The following FAM227B variants were observed in gnomAD, a reference collection of about 807,000 sequenced individuals.
FAM227B encodes family with sequence similarity 227 member B.
A neutral mutation model predicts 73.8 loss-of-function variants in FAM227B; 88 were observed. The ratio of observed to expected loss-of-function variants is 1.19; its 90% CI spans 1.00 to 1.42. The LOEUF is 1.42. Among genes scored for constraint, FAM227B ranks in the 40% most tolerant of loss-of-function variants. The pLI is 0.00. For synonymous variants in FAM227B, 210 were observed against 190.5 expected, an observed-to-expected ratio of 1.10 and a Z score of -0.84; for missense variants, 632 against 590.9, an observed-to-expected ratio of 1.07 and a Z score of -0.72.
intron 4 of FAM227B, among the ~76,000 whole-genome samples, chr15:49,588,748 G>A (rs2076347151): frequency 6.7e-6 from 1 of 150,248 alleles, no homozygotes; most frequent in Admixed American, 6.6e-5. Flanking sequence ...CTATATATAT[G>A]TGTGTGTATT....
chr15:49,527,765 A>C (rs980394940), intron 10 of FAM227B, among the ~76,000 whole-genome samples: 3 of 151,808 alleles, frequency 2.0e-5, no homozygotes, highest in Admixed American at 6.6e-5. Flanking sequence ...ACATATACAC[A>C]AAAATTAAAT....
At position 49,589,918 on chromosome 15, in the gene FAM227B, T is replaced by G. The variant is rs1256521883; in HGVS notation, c.195A>C (p.Ser65=). The G allele has an allele frequency of 3.8e-6, 6 of 1,594,886 alleles. No individual in the cohort carries two copies. The highest frequency in any genetic ancestry group is 2.2e-5 in the South Asian group (2 of 90,634). The change falls in exon 4 of 16, where the codon TCA becomes TCC. Residue 65 remains serine (S), a synonymous_variant. Coordinates refer to ENST00000299338, the MANE Select transcript of FAM227B (RefSeq NM_152647.3). ...CATTTTCCCATAGGTGTGTATAAAT[T>G]GAAACAAATGAACTATCTTCTTTTA... The part of the protein sequence containing the change: ...KKIKEDSSFV[S]IYTHLWENVP...
intron 11 of FAM227B, among the ~76,000 whole-genome samples, chr15:49,438,613 G>A (rs1172662882): frequency 1.3e-5 from 2 of 151,666 alleles, no homozygotes; most frequent in African/African-American, 4.8e-5. Flanking sequence ...GTGAGAGGGA[G>A]CACGAGGACA....
intron 9 of FAM227B, among the ~76,000 whole-genome samples, chr15:49,557,069 C>A (rs1411817840): frequency 6.6e-6 from 1 of 152,146 alleles, no homozygotes; most frequent in Non-Finnish European, 1.5e-5. Context: ...ATTCCTCCCC[C>A]TCCATCCCAG....
intron 11 of FAM227B, among the ~76,000 whole-genome samples, chr15:49,491,721 G>GCA (rs576261502): frequency 8.3e-5 from 11 of 131,924 alleles, no homozygotes; most frequent in East Asian, 4.6e-4. Context: ...ACACACATAT[G>GCA]CACACACACA....
chr15:49,403,282 G>A (rs1555469565), intron 11 of FAM227B, among the ~76,000 whole-genome samples: 15 of 152,156 alleles, frequency 9.9e-5, no homozygotes, highest in Non-Finnish European at 1.5e-5. Flanking sequence ...TGGCCTCACA[G>A]AATGAGCTAG....
chr15:49,518,846 GC>G (rs1400647655), intron 10 of FAM227B, among the ~76,000 whole-genome samples: 1 of 152,092 alleles, frequency 6.6e-6, no homozygotes, highest in Admixed American at 6.5e-5. Context: ...ATACAATCAT[GC>G]CCTTGCAACA....
chr15:49,609,086 T>C (rs562798086), intron 3 of FAM227B, among the ~76,000 whole-genome samples: 66 of 151,838 alleles, frequency 4.3e-4, no homozygotes, highest in Non-Finnish European at 9.0e-4. Flanking sequence ...TAGTGGGTAG[T>C]GAACGGAAGT....
intron 10 of FAM227B, among the ~76,000 whole-genome samples, chr15:49,523,749 CT>C (rs2059949726): frequency 6.6e-6 from 1 of 152,150 alleles, no homozygotes; most frequent in Non-Finnish European, 1.5e-5. Flanking sequence ...CATTTTTATG[CT>C]AATAGTGATA....
intron 11 of FAM227B, among the ~76,000 whole-genome samples, chr15:49,447,078 G>A (rs1597250400): frequency 6.6e-6 from 1 of 151,360 alleles, no homozygotes. Context: ...CCTAAACACT[G>A]AATAAAATCA....
chr15:49,498,688 A>C (rs1310464518), intron 11 of FAM227B, among the ~76,000 whole-genome samples: 1 of 152,256 alleles, frequency 6.6e-6, no homozygotes, highest in Non-Finnish European at 1.5e-5. Context: ...AGTTGAAAAA[A>C]GAATCAAGAC....
intron 11 of FAM227B, among the ~76,000 whole-genome samples, chr15:49,496,515 T>C (rs777367339): frequency 4.6e-5 from 7 of 152,236 alleles, no homozygotes; most frequent in Non-Finnish European, 1.0e-4. Context: ...TAAGAGGAGC[T>C]GGCTTATAAA....
intron 3 of FAM227B, among the ~76,000 whole-genome samples, chr15:49,609,218 T>G (rs1465059763): frequency 2.0e-5 from 3 of 151,532 alleles, no homozygotes; most frequent in Non-Finnish European, 4.4e-5. Flanking sequence ...GAAATAGAAT[T>G]GTGATGGAGT....
At chr15:49,483,185 T>C (rs1207052436) in intron 11 of FAM227B, 17 of 1,590,268 alleles carry the variant, frequency 1.1e-5, no homozygotes, top group Non-Finnish European at 1.4e-5. Flanking sequence ...CAGTTGGAAT[T>C]GTGGCAATCA....
At chr15:49,477,336 C>T (rs1416136755) in intron 11 of FAM227B, among the ~76,000 whole-genome samples, 1 of 152,208 alleles carries the variant, frequency 6.6e-6, no homozygotes, top group African/African-American at 2.4e-5. Flanking sequence ...AGCTTTTCAT[C>T]CTTTTTCTGC....
In FAM227B at chr15:49,443,544, T is replaced by C. The variant is rs1034884164; in HGVS notation, c.1012+64667A>G. ...AATGTAGATTAAACTTAAGGTTTAG[T>C]GTCTATAACTGTTTCATTGTGAATA... On this transcript the variant is annotated intron_variant, in intron 11 of 15. Transcript: ENST00000299338. Among the ~76,000 whole-genome samples the C allele has an allele frequency of 5.9e-5, 9 of 151,830 alleles. 1 individual carries two copies. The highest frequency in any genetic ancestry group is 2.2e-4 in the African/African-American group (9 of 41,492).
chr15:49,336,965 T>C (rs1341643259), intron 13 of FAM227B, among the ~76,000 whole-genome samples: 1 of 152,194 alleles, frequency 6.6e-6, no homozygotes, highest in African/African-American at 2.4e-5. Context: ...TATTTGGTGT[T>C]ATTTACTTAG....
At position 49,547,459 on chromosome 15, in the gene FAM227B, G is replaced by T. The variant is rs145524874; in HGVS notation, c.748-5653C>A. 9.7e-3 allele frequency among the ~76,000 whole-genome samples: 1,476 copies of T among 152,206 alleles called. 23 individuals carry two copies. The highest frequency in any genetic ancestry group is 0.034 in the African/African-American group (1,418 of 41,508). ...AACTTTAAATGTAAATGGGCTAAATGCTCCAATTAAAAAACACAGACTGGC... is the reference window on the plus strand; with the variant it reads ...AACTTTAAATGTAAATGGGCTAAATTCTCCAATTAAAAAACACAGACTGGC... On this transcript the variant is annotated intron_variant, in intron 9 of 15. Coordinates refer to ENST00000299338, the MANE Select transcript of FAM227B (RefSeq NM_152647.3).
At chr15:49,596,384 T>C (rs1180966174) in intron 3 of FAM227B, among the ~76,000 whole-genome samples, 1 of 152,000 alleles carries the variant, frequency 6.6e-6, no homozygotes, top group East Asian at 1.9e-4. Flanking sequence ...GAAGACAAGA[T>C]AAAGTCCTCT....
Sources: gnomAD v4.1 joint callset for allele counts (sites outside exome capture counted in the v4.1 genomes callset) on GRCh38, gnomAD v4.1.1 for gene constraint, MANE v1.5 for transcripts, NCBI Gene and HGNC (gene_info 2026-07-23, HGNC 2026-07-21) for gene names.